Variants in ARID1B observed in about 807,000 individuals in gnomAD.
ARID1B encodes the protein AT-rich interaction domain 1B.
Under a neutral mutation model 212.3 loss-of-function variants are expected in ARID1B, and 30 were observed. That is an observed-to-expected ratio of 0.14 (90% CI 0.11 to 0.19). The LOEUF is 0.19. Ranked by LOEUF, ARID1B falls within the 10% of genes least tolerant of loss-of-function variation. The probability of loss-of-function intolerance (pLI) is 1.00; values close to 1 mark genes in which losing one functional copy is unlikely to be tolerated. For missense variants in ARID1B, 2,891 were observed against 3,204.0 expected (o/e 0.90, Z 2.36); for synonymous variants, 1,402 against 1,301.7 (o/e 1.08, Z -1.66).
chr6:157,137,408 C>G (rs1187689228), intron 7 of ARID1B, among the ~76,000 whole-genome samples: 1 of 152,046 alleles, frequency 6.6e-6, no homozygotes, highest in East Asian at 1.9e-4. Flanking sequence ...ACTGTGGGGA[C>G]TTGCTTTAAT....
intron 1 of ARID1B, among the ~76,000 whole-genome samples, chr6:156,804,820 G>C (rs1444901464): frequency 9.0e-6 from 1 of 111,000 alleles, no homozygotes; most frequent in Non-Finnish European, 1.7e-5. Context: ...AGGGGTCATA[G>C]AAACCATTGA....
At chr6:157,054,011 G>T (rs888965378) in intron 4 of ARID1B, among the ~76,000 whole-genome samples, 1 of 152,164 alleles carries the variant, frequency 6.6e-6, no homozygotes, top group Non-Finnish European at 1.5e-5. Context: ...GATCACCTGA[G>T]GTCGGGAGTT....
At chr6:157,081,515 C>G (rs144125013) in intron 4 of ARID1B, among the ~76,000 whole-genome samples, 2 of 152,072 alleles carry the variant, frequency 1.3e-5, no homozygotes, top group Non-Finnish European at 2.9e-5. Flanking sequence ...ATAATTATAT[C>G]TTTTTATTAC....
intron 4 of ARID1B, among the ~76,000 whole-genome samples, chr6:156,949,300 C>T (rs55892855): frequency 0.031 from 4,724 of 152,162 alleles, 198 homozygotes; most frequent in African/African-American, 0.099. Context: ...TAAATATGCA[C>T]GTTGTTGTTT....
At chr6:156,885,089 T>C (rs935131231) in intron 2 of ARID1B, among the ~76,000 whole-genome samples, 1 of 152,104 alleles carries the variant, frequency 6.6e-6, no homozygotes, top group Non-Finnish European at 1.5e-5. Context: ...AAACCTGGCT[T>C]TACCTTCTAA....
chr6:157,129,731 T>C (rs527417878), intron 6 of ARID1B, among the ~76,000 whole-genome samples: 7 of 152,216 alleles, frequency 4.6e-5, no homozygotes, highest in Non-Finnish European at 1.0e-4. Context: ...ACAATTGAGA[T>C]AGTTCAAGTG....
intron 4 of ARID1B, among the ~76,000 whole-genome samples, chr6:156,964,962 G>A (rs1437831106): frequency 1.3e-5 from 2 of 152,208 alleles, no homozygotes; most frequent in African/African-American, 4.8e-5. Context: ...AAAGCCGCAT[G>A]ATGGTTTTTG....
chr6:157,078,357 A>G (rs1231069205), intron 4 of ARID1B, among the ~76,000 whole-genome samples: 3 of 152,198 alleles, frequency 2.0e-5, no homozygotes, highest in Non-Finnish European at 2.9e-5. Flanking sequence ...ATGAAGGTAA[A>G]TCCCAGATTC....
intron 2 of ARID1B, among the ~76,000 whole-genome samples, chr6:156,858,109 G>A (rs1785075352): frequency 6.6e-6 from 1 of 152,116 alleles, no homozygotes; most frequent in Non-Finnish European, 1.5e-5. Context: ...TATGTTACGT[G>A]TAATAAGTCA....
intron 8 of ARID1B, among the ~76,000 whole-genome samples, chr6:157,159,215 C>G (rs1486108433): frequency 6.6e-6 from 1 of 152,174 alleles, no homozygotes; most frequent in African/African-American, 2.4e-5. Context: ...GTATGGTTGC[C>G]AGGAAAGAGT....
At chr6:157,052,970 A>C (rs1400035709) in intron 4 of ARID1B, among the ~76,000 whole-genome samples, 1 of 152,178 alleles carries the variant, frequency 6.6e-6, no homozygotes, top group South Asian at 2.1e-4. Context: ...TGGCCATCTC[A>C]GCCTCCCAAA....
intron 2 of ARID1B, among the ~76,000 whole-genome samples, chr6:156,887,994 A>G (rs1787650864): frequency 6.6e-6 from 1 of 151,972 alleles, no homozygotes; most frequent in South Asian, 2.1e-4. Flanking sequence ...GGTAAATCCT[A>G]TTTTCTGTAC....
At chr6:156,973,634 T>A (rs1777067881) in intron 4 of ARID1B, among the ~76,000 whole-genome samples, 1 of 152,134 alleles carries the variant, frequency 6.6e-6, no homozygotes, top group African/African-American at 2.4e-5. Context: ...AAAAGAAAAT[T>A]CTATATTAGT....
chr6:157,121,474 A>G (rs1057471864), intron 6 of ARID1B, among the ~76,000 whole-genome samples: 1 of 152,054 alleles, frequency 6.6e-6, no homozygotes, highest in Non-Finnish European at 1.5e-5. Flanking sequence ...AAAAATATTC[A>G]TTTTTTCCTT....
intron 4 of ARID1B, chr6:156,938,777 T>C (rs940558062): frequency 5.3e-5 from 8 of 152,344 alleles, no homozygotes; most frequent in African/African-American, 1.9e-4. Flanking sequence ...AATATCTTTA[T>C]GCTACATCTA....
At position 156,829,233 on chromosome 6, in the gene ARID1B, C is replaced by G. The variant is rs1196211007; in HGVS notation, c.1798C>G (p.Pro600Ala). 2 of 1,611,580 alleles carry G rather than the reference C, an allele frequency of 1.2e-6. No individual in the cohort carries two copies. The highest frequency in any genetic ancestry group is 1.1e-5 in the South Asian group (1 of 90,700). ...TTCTTTTATGTCTTCACAGGGCAGC[C>G]CAATGGATCCAATGGTGATGAAGAG... is the stretch of plus-strand genomic sequence containing the variant. ...GPTMGRSQGS[P>A]MDPMVMKRPQ... is the part of the protein sequence containing the mutation. The change falls in exon 2 of 20, where the codon CCA becomes GCA. Residue 600 changes from proline to alanine, a missense_variant. Transcript: ENST00000636930.
intron 1 of ARID1B, among the ~76,000 whole-genome samples, chr6:156,812,875 TA>T (rs774801335): frequency 0.065 from 6,721 of 103,436 alleles, 463 homozygotes; most frequent in African/African-American, 0.19. Context: ...TGGTATGTTA[TA>T]AAAAAAAAAA....
At chr6:157,137,573 A>G (rs918485113) in intron 7 of ARID1B, among the ~76,000 whole-genome samples, 1 of 152,256 alleles carries the variant, frequency 6.6e-6, no homozygotes, top group African/African-American at 2.4e-5. Context: ...AGGAATGTCT[A>G]TCACACTGAC....
intron 2 of ARID1B, among the ~76,000 whole-genome samples, chr6:156,841,433 A>G (rs796678702): frequency 2.6e-5 from 4 of 152,128 alleles, no homozygotes; most frequent in African/African-American, 9.7e-5. Context: ...TAGACATATA[A>G]TTTTGATGAT....
Sources: gnomAD v4.1 joint callset for allele counts (sites outside exome capture counted in the v4.1 genomes callset) on GRCh38, gnomAD v4.1.1 for gene constraint, MANE v1.5 for transcripts, NCBI Gene and HGNC (gene_info 2026-07-23, HGNC 2026-07-21) for gene names.